ERLIN1: variants seen among roughly 807,000 people sequenced by gnomAD.
ERLIN1 encodes ER lipid raft associated 1.
ERLIN1 carries 24 observed loss-of-function variants against 46.9 expected under a neutral mutation model. That is an observed-to-expected ratio of 0.51 (90% CI 0.37 to 0.72). The LOEUF (loss-of-function observed/expected upper bound fraction) is 0.72, where lower values mean the gene tolerates loss of function less well. Ranked by LOEUF, ERLIN1 falls within the 30% of genes least tolerant of loss-of-function variation. ERLIN1 has a pLI of 0.00. For synonymous variants in ERLIN1, 158 were observed against 143.2 expected, an observed-to-expected ratio of 1.10 and a Z score of -0.74; for missense variants, 293 against 417.9, an observed-to-expected ratio of 0.70 and a Z score of 2.61.
rs1458639469 is a variant in ERLIN1 at position 100,151,936 on chromosome 10, T to C, written c.*195A>G. ...ATACATATAGGATACTTGATAAGAC[T>C]GTGGCTGAAAAGACCATTTGTGTGT... On this transcript the variant is annotated 3_prime_UTR_variant, in exon 11 of 11. Coordinates refer to ENST00000421367, the MANE Select transcript of ERLIN1 (RefSeq NM_006459.4). 3.1e-6 allele frequency: 2 copies of C among 642,864 alleles called. No individual in the cohort carries two copies. The highest frequency in any genetic ancestry group is 1.8e-5 in the African/African-American group (1 of 55,510). The allele number at this position is 642,864 out of a possible 1,614,324, so 39.8% of individuals were successfully genotyped here.
At chr10:100,159,730 T>A (rs1240912856) in intron 8 of ERLIN1, among the ~76,000 whole-genome samples, 8 of 151,918 alleles carry the variant, frequency 5.3e-5, no homozygotes, top group Admixed American at 5.2e-4. Context: ...AACACCAATA[T>A]ACAAAGTACA....
At chr10:100,182,190 ATTTT>A (rs765187061) in intron 2 of ERLIN1, among the ~76,000 whole-genome samples, 43 of 127,146 alleles carry the variant, frequency 3.4e-4, no homozygotes, top group Middle Eastern at 4.2e-3. Context: ...TAGAGCCTTG[ATTTT>A]TTTTTTTTTT....
chr10:100,178,052 C>G, intron 4 of ERLIN1, 81 bp downstream of exon 4: 1 of 896,826 alleles, frequency 1.1e-6, no homozygotes, highest in South Asian at 1.5e-5. Context: ...TTTCAAAGTA[C>G]CCTTCTATTC....
At chr10:100,156,687 T>C (rs1195769866) in intron 8 of ERLIN1, among the ~76,000 whole-genome samples, 2 of 151,986 alleles carry the variant, frequency 1.3e-5, no homozygotes, top group Non-Finnish European at 2.9e-5. Context: ...ATAATGGATA[T>C]GACCTAAGAA....
chr10:100,163,480 T>C (rs11817761), intron 8 of ERLIN1, among the ~76,000 whole-genome samples: 2,108 of 151,982 alleles, frequency 0.014, 52 homozygotes, highest in African/African-American at 0.048. Flanking sequence ...TAATTAAAGA[T>C]GTATTAAACT....
intron 1 of ERLIN1, among the ~76,000 whole-genome samples, chr10:100,184,562 T>G (rs756206637): frequency 1.3e-5 from 2 of 152,196 alleles, no homozygotes; most frequent in Non-Finnish European, 2.9e-5. Context: ...ATAAACACAT[T>G]TGCAAGGTCA....
At position 100,154,939 on chromosome 10, in the gene ERLIN1, T is replaced by A; in HGVS notation, c.746A>T (p.Asp249Val). ...TTTCTCTCGGGCCAGGAATGCAGCA[T>A]CTAGCAAATAAACAAAGGAAAGGTG... ...ETEKRISEIE[D>V]AAFLAREKAK... The change falls in exon 10 of 11, where the codon GAT (aspartate) becomes GTT (valine). Residue 249 changes from aspartate to valine, a missense_variant and splice_region_variant. This residue lies in a region of ERLIN1 where 148 missense variants were observed against 266.5 expected (regional missense o/e 0.56). Transcript: ENST00000421367. 6.2e-7 allele frequency: 1 copy of A among 1,613,386 alleles called. No individual in the cohort carries two copies. Among genetic ancestry groups the A allele is most frequent in the East Asian group, 2.2e-5 (1 of 44,876 alleles).
rs774232442 is a variant in ERLIN1 at position 100,183,816 on chromosome 10, G to T, written c.135C>A (p.Ser45Arg). Residue 45 changes from serine (S) to arginine (R), a missense_variant, in exon 2 of 11, where the codon AGC (serine) becomes AGA (arginine). By Grantham distance (110) the Ser-to-Arg change is moderately radical. Transcript: ENST00000421367. ...VYYRGGALLT[S>R]PSGPGYHIML... is the part of the protein sequence containing the mutation. ...TGATATGATAGCCTGGTCCACTGGG[G>T]CTAGTTAGTAAAGCTCCTCCCCTGC... The T allele has an allele frequency of 3.1e-6, 5 of 1,613,066 alleles. No homozygotes were observed. Among genetic ancestry groups the T allele is most frequent in the Non-Finnish European group, 4.2e-6 (5 of 1,179,170 alleles).
chr10:100,169,224 C>A (rs1041732369), intron 6 of ERLIN1, among the ~76,000 whole-genome samples: 1 of 152,094 alleles, frequency 6.6e-6, no homozygotes, highest in African/African-American at 2.4e-5. Context: ...TTTCTTTTGC[C>A]TATTAAACCT....
intron 5 of ERLIN1, 143 bp from the exon 6 acceptor site, chr10:100,174,424 C>T (rs1844177896): frequency 3.4e-6 from 2 of 593,886 alleles, no homozygotes; most frequent in African/African-American, 1.9e-5. Flanking sequence ...CCTTTTCTTC[C>T]CTTTTGTGTG....
intron 7 of ERLIN1, 77 bp from the exon 8 acceptor site, chr10:100,164,172 T>C: frequency 1.1e-6 from 1 of 915,296 alleles, no homozygotes; most frequent in Non-Finnish European, 1.7e-6. Context: ...GACCCTACAG[T>C]GAGTCAGAGA....
chr10:100,184,974 C>G (rs1001007868), intron 1 of ERLIN1, among the ~76,000 whole-genome samples: 3 of 152,102 alleles, frequency 2.0e-5, no homozygotes, highest in Non-Finnish European at 4.4e-5. Flanking sequence ...CCACACCACT[C>G]CTGTCCCCAA....
At position 100,152,262 on chromosome 10, in the gene ERLIN1, T is replaced by C. The variant is rs755447558; in HGVS notation, c.916A>G (p.Met306Val). 13 of 1,612,266 alleles carry C rather than the reference T, an allele frequency of 8.1e-6. No individual in the cohort carries two copies. Among genetic ancestry groups the C allele is most frequent in the Non-Finnish European group, 1.0e-5 (12 of 1,178,312 alleles). The part of the protein sequence containing the change: ...KIYFGSNIPN[M>V]FVDSSCALKY... ...AAAGCACATGAGGAGTCCACGAACA[T>C]GTTAGGGATGTTGCTGCCAAAATAG... Residue 306 changes from methionine (M) to valine (V), a missense_variant, in exon 11 of 11, where the codon ATG becomes GTG. Physicochemically the swap from Met to Val is conservative, Grantham distance 21 (BLOSUM62 1). Transcript: ENST00000421367.
chr10:100,162,957 T>C (rs1237942389), intron 8 of ERLIN1, among the ~76,000 whole-genome samples: 1 of 152,114 alleles, frequency 6.6e-6, no homozygotes, highest in Non-Finnish European at 1.5e-5. Context: ...GCAGTGTTTG[T>C]AATAAGGAAA....
intron 4 of ERLIN1, among the ~76,000 whole-genome samples, chr10:100,177,055 G>A (rs911240953): frequency 4.6e-5 from 7 of 152,136 alleles, no homozygotes; most frequent in African/African-American, 1.4e-4. Flanking sequence ...CCAAAAGGCA[G>A]AGGTTGCACT....
intron 7 of ERLIN1, among the ~76,000 whole-genome samples, chr10:100,165,183 G>C (rs2134130421): frequency 6.6e-6 from 1 of 152,132 alleles, no homozygotes; most frequent in South Asian, 2.1e-4. Context: ...TTTTAATTCT[G>C]GAATTCCAAT....
intron 2 of ERLIN1, among the ~76,000 whole-genome samples, chr10:100,182,892 A>G (rs1435063950): frequency 6.6e-6 from 1 of 152,234 alleles, no homozygotes; most frequent in African/African-American, 2.4e-5. Context: ...TATGGAAATC[A>G]GTCTGATTAG....
intron 5 of ERLIN1, among the ~76,000 whole-genome samples, chr10:100,175,063 A>G (rs1340079194): frequency 6.6e-6 from 1 of 152,242 alleles, no homozygotes; most frequent in Admixed American, 6.5e-5. Context: ...TAAAAATTTC[A>G]GGAGGGAAAA....
At chr10:100,167,658 A>T (rs1020435231) in intron 6 of ERLIN1, among the ~76,000 whole-genome samples, 4 of 152,212 alleles carry the variant, frequency 2.6e-5, no homozygotes, top group African/African-American at 9.7e-5. Context: ...CCCACTGAGG[A>T]AACAACTGCC....
Sources: allele counts gnomAD v4.1 joint callset (sites outside exome capture counted in the v4.1 genomes callset), GRCh38; gene constraint gnomAD v4.1.1; regional missense constraint gnomAD v4.1.1; transcripts MANE v1.5; gene names NCBI Gene and HGNC (gene_info 2026-07-23, HGNC 2026-07-21).